The following STK33 variants were observed in gnomAD, a reference collection of about 807,000 sequenced individuals.
The protein encoded by STK33 is serine/threonine kinase 33, also known as serine/threonine-protein kinase 33.
STK33 carries 52 observed loss-of-function variants against 58.0 expected under a neutral mutation model. That is an observed-to-expected ratio of 0.90 (90% CI 0.72 to 1.13). The LOEUF (loss-of-function observed/expected upper bound fraction) is 1.13, where lower values mean the gene tolerates loss of function less well. STK33 is among the 50% of genes most tolerant of loss of function. The pLI is 0.00. For synonymous variants in STK33, 215 were observed against 200.1 expected, an observed-to-expected ratio of 1.07 and a Z score of -0.63; for missense variants, 630 against 604.2, an observed-to-expected ratio of 1.04 and a Z score of -0.45.
chr11:8,491,315 G>A lies in STK33; in HGVS notation c.-465-10701C>T, dbSNP rs138117241. On this transcript the variant is annotated intron_variant, in intron 1 of 15. Coordinates refer to ENST00000687296, the MANE Select transcript of STK33 (RefSeq NM_001352389.2). ...GATGCATGTACAAGCTTCAGTAGCC[G>A]ATTTGATCAAGTGGAAGAAAGGGTA... 5.0e-3 allele frequency among the ~76,000 whole-genome samples: 761 copies of A among 152,298 alleles called. 5 individuals are homozygous for A. The highest frequency in any genetic ancestry group is 0.017 in the African/African-American group (712 of 41,550).
At chr11:8,499,513 C>T (rs1268874863) in intron 1 of STK33, among the ~76,000 whole-genome samples, 4 of 152,122 alleles carry the variant, frequency 2.6e-5, no homozygotes, top group Non-Finnish European at 5.9e-5. Context: ...GACAGAGTGG[C>T]AATTCCTCAA....
intron 1 of STK33, among the ~76,000 whole-genome samples, chr11:8,570,920 C>T (rs1400029734): frequency 6.6e-6 from 1 of 152,158 alleles, no homozygotes; most frequent in Non-Finnish European, 1.5e-5. Flanking sequence ...GACAGTTCTG[C>T]TTCTGATCAA....
intron 1 of STK33, among the ~76,000 whole-genome samples, chr11:8,487,735 G>T (rs1950290883): frequency 6.6e-6 from 1 of 152,008 alleles, no homozygotes; most frequent in South Asian, 2.1e-4. Flanking sequence ...TTTAAAAGTT[G>T]AGCTGTGGAA....
chr11:8,540,314 T>C (rs1339141542), intron 1 of STK33, among the ~76,000 whole-genome samples: 1 of 144,358 alleles, frequency 6.9e-6, no homozygotes, highest in Non-Finnish European at 1.5e-5. Context: ...AACCCATCTC[T>C]ACAAAAAAAA....
At chr11:8,343,611 C>G in the STK33 span, among the ~76,000 whole-genome samples, 1 of 152,202 alleles carries the variant, frequency 6.6e-6, no homozygotes, top group Non-Finnish European at 1.5e-5. Flanking sequence ...ATGGCAGCTG[C>G]AGAGATGCAT....
chr11:8,356,942 G>A, the STK33 span, among the ~76,000 whole-genome samples: 8 of 152,338 alleles, frequency 5.3e-5, no homozygotes, highest in East Asian at 1.9e-4. Context: ...CCCTGAGCTA[G>A]AGGAAGCCGT....
intron 15 of STK33, among the ~76,000 whole-genome samples, chr11:8,398,557 C>T (rs925670848): frequency 6.6e-5 from 10 of 152,124 alleles, no homozygotes; most frequent in Non-Finnish European, 1.3e-4. Context: ...CATCAACTAA[C>T]GAGCAAAATA....
intron 1 of STK33, among the ~76,000 whole-genome samples, chr11:8,567,991 T>C (rs1240169259): frequency 6.6e-6 from 1 of 152,184 alleles, no homozygotes; most frequent in Non-Finnish European, 1.5e-5. Context: ...AATAATATAG[T>C]CTCCACCTCT....
the STK33 span, among the ~76,000 whole-genome samples, chr11:8,359,065 C>T: frequency 2.0e-5 from 3 of 152,170 alleles, no homozygotes; most frequent in Admixed American, 6.5e-5. Flanking sequence ...GATTGAGGGA[C>T]AGCCTGTCCA....
chr11:8,530,263 A>AT (rs1954419352), intron 1 of STK33, among the ~76,000 whole-genome samples: 1 of 152,186 alleles, frequency 6.6e-6, no homozygotes. Flanking sequence ...GGTATTAAGC[A>AT]TTAAGGTCAG....
At chr11:8,354,913 A>T in the STK33 span, among the ~76,000 whole-genome samples, 1 of 152,216 alleles carries the variant, frequency 6.6e-6, no homozygotes, top group South Asian at 2.1e-4. Flanking sequence ...CTGGGCACAG[A>T]CTTCATGCCG....
At chr11:8,513,630 A>ACT in intron 1 of STK33, among the ~76,000 whole-genome samples, 1 of 152,272 alleles carries the variant, frequency 6.6e-6, no homozygotes, top group East Asian at 1.9e-4. Context: ...TTAAATCAAA[A>ACT]GTACTCAAGA....
At chr11:8,445,351 C>T (rs1251078389) in intron 11 of STK33, among the ~76,000 whole-genome samples, 1 of 152,162 alleles carries the variant, frequency 6.6e-6, no homozygotes, top group East Asian at 1.9e-4. Flanking sequence ...TTCCTCTCTT[C>T]CTATTTGAAT....
intron 1 of STK33, among the ~76,000 whole-genome samples, chr11:8,484,017 T>C (rs1419681695): frequency 1.3e-5 from 2 of 152,210 alleles, no homozygotes; most frequent in Non-Finnish European, 2.9e-5. Context: ...TCTAAACAGT[T>C]ATTCAACATT....
intron 9 of STK33, among the ~76,000 whole-genome samples, chr11:8,456,305 T>C (rs1816923111): frequency 6.6e-6 from 1 of 152,234 alleles, no homozygotes; most frequent in Non-Finnish European, 1.5e-5. Context: ...AGTGAATTCT[T>C]TCCTGACTTT....
chr11:8,343,524 G>A, the STK33 span, among the ~76,000 whole-genome samples: 2 of 151,916 alleles, frequency 1.3e-5, no homozygotes, highest in South Asian at 2.1e-4. Flanking sequence ...ATAAAGTACT[G>A]CTGGAAATCC....
chr11:8,441,928 T>C (rs1283605834), intron 11 of STK33, among the ~76,000 whole-genome samples: 2 of 152,020 alleles, frequency 1.3e-5, no homozygotes, highest in Non-Finnish European at 2.9e-5. Flanking sequence ...ATATATTAAG[T>C]GACTTGCCTA....
chr11:8,528,632 C>T lies in STK33; in HGVS notation c.-465-48018G>A, dbSNP rs543573601. Among the ~76,000 whole-genome samples the T allele has an allele frequency of 3.3e-5, 5 of 152,284 alleles. No individual in the cohort carries two copies. The East Asian group carries it at 9.6e-4, about 29-fold the overall frequency. ...TAAAGACAAGATAATATTTATATTC[C>T]TTTAAGACTAAAGACCAAAACCTGG... is the stretch of plus-strand genomic sequence containing the variant. On this transcript the variant is annotated intron_variant, in intron 1 of 15. Coordinates refer to ENST00000687296, the MANE Select transcript of STK33 (RefSeq NM_001352389.2).
chr11:8,523,486 CCTGT>C (rs1591618234), intron 1 of STK33, among the ~76,000 whole-genome samples: 3 of 151,214 alleles, frequency 2.0e-5, no homozygotes, highest in East Asian at 2.0e-4. Context: ...CGGCGGCCGC[CCTGT>C]CTGAGAAGCG....
Sources: allele counts gnomAD v4.1 joint callset (sites outside exome capture counted in the v4.1 genomes callset), GRCh38; gene constraint gnomAD v4.1.1; transcripts MANE v1.5; gene names NCBI Gene and HGNC (gene_info 2026-07-23, HGNC 2026-07-21).